KANK4: variants seen among roughly 807,000 people sequenced by gnomAD.
The protein encoded by KANK4 is KN motif and ankyrin repeat domains 4.
Under a neutral mutation model 80.8 loss-of-function variants are expected in KANK4, and 50 were observed. That is an observed-to-expected ratio of 0.62 (90% confidence interval 0.49 to 0.78). The LOEUF is 0.78. Ranked by LOEUF, KANK4 falls within the 30% of genes least tolerant of loss-of-function variation. The pLI is 0.00. For synonymous variants in KANK4, 465 were observed against 506.9 expected (o/e 0.92, Z 1.11); for missense variants, 1,196 against 1,240.1 (o/e 0.96, Z 0.53).
intron 1 of KANK4, among the ~76,000 whole-genome samples, chr1:62,308,079 G>A (rs1468809880): frequency 6.6e-6 from 1 of 152,114 alleles, no homozygotes; most frequent in Non-Finnish European, 1.5e-5. Context: ...ACTGGCAAGT[G>A]GCAGGTTGCA....
rs565948564 is a variant in KANK4 at position 62,263,141 on chromosome 1, G to A, written c.2490C>T (p.Tyr830=). 3.1e-6 allele frequency: 5 copies of A among 1,613,852 alleles called. No individual in the cohort carries two copies. The highest frequency in any genetic ancestry group is 2.7e-5 in the African/African-American group (2 of 75,048). ...ADHNGNTALH[Y]SVSHSNFSIV... ...TGGAGAAGTTGGAGTGGGACACGCT[G>A]TAGTGAAGGGCCGTGTTCCCGTTGT... The change falls in exon 7 of 10, where the codon TAC becomes TAT. Residue 830 remains tyrosine (Y), a synonymous_variant. Transcript: ENST00000371153.
intron 1 of KANK4, among the ~76,000 whole-genome samples, chr1:62,295,707 C>T (rs2765265): frequency 0.39 from 59,061 of 152,096 alleles, 12,260 homozygotes; most frequent in East Asian, 0.78. Flanking sequence ...CCAGTGCTTT[C>T]CTTTACAAAT....
At chr1:62,280,326 A>G (rs1211438214) in intron 2 of KANK4, among the ~76,000 whole-genome samples, 1 of 152,212 alleles carries the variant, frequency 6.6e-6, no homozygotes, top group Non-Finnish European at 1.5e-5. Flanking sequence ...CATGGACAGC[A>G]GACCTCCCCA....
At chr1:62,286,205 T>C (rs915760360) in intron 1 of KANK4, among the ~76,000 whole-genome samples, 6 of 152,248 alleles carry the variant, frequency 3.9e-5, no homozygotes, top group Non-Finnish European at 8.8e-5. Context: ...TTACCTTCCC[T>C]TGCATCCTCC....
At chr1:62,307,885 A>T (rs1644465872) in intron 1 of KANK4, among the ~76,000 whole-genome samples, 1 of 152,150 alleles carries the variant, frequency 6.6e-6, no homozygotes, top group African/African-American at 2.4e-5. Flanking sequence ...TGCAAGCCAA[A>T]TGCCACCCAT....
intron 7 of KANK4, among the ~76,000 whole-genome samples, chr1:62,256,985 A>T (rs1671767005): frequency 6.6e-6 from 1 of 152,048 alleles, no homozygotes; most frequent in South Asian, 2.1e-4. Flanking sequence ...GTTCTCTTTT[A>T]TCTCTTTAGA....
At chr1:62,244,199 A>T (rs1405029147) in intron 9 of KANK4, among the ~76,000 whole-genome samples, 34 of 138,140 alleles carry the variant, frequency 2.5e-4, no homozygotes, top group East Asian at 1.0e-3. Context: ...TTTATTTTTT[A>T]TTTTTTTTTT....
Position 62,242,997 on chromosome 1 carries a change from G to A in KANK4, c.2883+4475C>T, listed in dbSNP as rs576582923. On this transcript the variant is annotated intron_variant, in intron 9 of 9. Transcript: ENST00000371153. ...CTGCATGTGAATCAACCCTGACCCA[G>A]GTGGGCAGCATGTGACCCATCCATG... Among the ~76,000 whole-genome samples, 7 of 152,266 alleles carry A rather than the reference G, an allele frequency of 4.6e-5. No homozygotes were observed. In the South Asian group the frequency reaches 1.5e-3, roughly 32 times the overall value.
intron 6 of KANK4, among the ~76,000 whole-genome samples, chr1:62,265,530 C>T (rs2149134821): frequency 6.6e-6 from 1 of 152,218 alleles, no homozygotes; most frequent in East Asian, 1.9e-4. Flanking sequence ...GCGTGAGACA[C>T]TGGCCCTGGC....
Position 62,238,217 on chromosome 1 carries a change from G to A in KANK4, c.*60C>T. On this transcript the variant is annotated 3_prime_UTR_variant, in exon 10 of 10. Coordinates refer to ENST00000371153, the MANE Select transcript of KANK4 (RefSeq NM_181712.5). ...CCTGTGACCTCTGCCCTCTTCAAGG[G>A]CGAGGGAGGAGTCCAGAGAAGAAGG... 7.8e-7 allele frequency: 1 copy of A among 1,281,702 alleles called. No homozygotes were observed. Among genetic ancestry groups the A allele is most frequent in the South Asian group, 1.2e-5 (1 of 82,516 alleles). 79.4% of individuals were successfully genotyped at this position (1,281,702 alleles called of 1,614,324 possible). A position where few individuals can be genotyped will look rare whatever the true frequency, so the allele number is the denominator to read the frequency against.
At chr1:62,264,790 A>G (rs563893889) in intron 6 of KANK4, among the ~76,000 whole-genome samples, 1 of 152,356 alleles carries the variant, frequency 6.6e-6, no homozygotes, top group South Asian at 2.1e-4. Flanking sequence ...ATATTAAGGA[A>G]CAGAGGGGTG....
At chr1:62,244,745 G>C (rs944884747) in intron 9 of KANK4, among the ~76,000 whole-genome samples, 7 of 152,182 alleles carry the variant, frequency 4.6e-5, no homozygotes, top group African/African-American at 1.7e-4. Flanking sequence ...ACTAATACAG[G>C]GGGTCTCACT....
chr1:62,269,850 T>C (rs1364634776), intron 4 of KANK4, among the ~76,000 whole-genome samples: 8 of 152,206 alleles, frequency 5.3e-5, no homozygotes, highest in Non-Finnish European at 1.2e-4. Context: ...AGAGCAGAAG[T>C]TCCTAACCTT....
intron 6 of KANK4, among the ~76,000 whole-genome samples, chr1:62,264,025 G>A (rs1671958932): frequency 6.6e-6 from 1 of 152,176 alleles, no homozygotes; most frequent in Non-Finnish European, 1.5e-5. Context: ...ACCTAATGGG[G>A]AAGAGAAGCT....
chr1:62,255,481 T>C (rs536333208), intron 7 of KANK4, among the ~76,000 whole-genome samples: 1 of 152,264 alleles, frequency 6.6e-6, no homozygotes, highest in South Asian at 2.1e-4. Flanking sequence ...AGATCATGGC[T>C]TACTGCAGCC....
chr1:62,280,490 T>G (rs1672429334), intron 2 of KANK4, among the ~76,000 whole-genome samples: 1 of 152,156 alleles, frequency 6.6e-6, no homozygotes, highest in African/African-American at 2.4e-5. Context: ...GGGAACTGCA[T>G]TTGGAAGAAG....
chr1:62,307,456 T>C (rs1644461249), intron 1 of KANK4, among the ~76,000 whole-genome samples: 1 of 119,760 alleles, frequency 8.4e-6, no homozygotes, highest in African/African-American at 3.4e-5. Flanking sequence ...CACTCCAGCC[T>C]GGGTGACAGA....
chr1:62,263,406 C>T, intron 6 of KANK4, 95 bp from the exon 7 acceptor site: 1 of 913,432 alleles, frequency 1.1e-6, no homozygotes, highest in Non-Finnish European at 1.7e-6. Flanking sequence ...TCTGTCCCTG[C>T]AGCTCCCTCC....
In KANK4 at chr1:62,307,557, A is replaced by G. The variant is rs76192652; in HGVS notation, c.-71+11549T>C. 1.7e-4 allele frequency among the ~76,000 whole-genome samples: 26 copies of G among 151,978 alleles called. 1 individual carries two copies. In the East Asian group the frequency reaches 5.0e-3, roughly 29 times the overall value. On this transcript the variant is annotated intron_variant, in intron 1 of 9. Coordinates refer to ENST00000371153, the MANE Select transcript of KANK4 (RefSeq NM_181712.5). ...CTGATAAACAGACTATAATGTGAAT[A>G]GTTTAGAATTTCCTTTCTCCTCCCC...
Sources: allele counts gnomAD v4.1 joint callset (sites outside exome capture counted in the v4.1 genomes callset), GRCh38; gene constraint gnomAD v4.1.1; transcripts MANE v1.5; gene names NCBI Gene and HGNC (gene_info 2026-07-23, HGNC 2026-07-21).